Variants in SPMIP8 observed in about 807,000 individuals in gnomAD.
SPMIP8 encodes the protein sperm microtubule inner protein 8, also known as testicular tissue protein Li 196.
At chr16:57,978,019 C>T in the SPMIP8 span, 17 of 1,613,882 alleles carry the variant, frequency 1.1e-5, no homozygotes, top group African/African-American at 2.3e-4. Flanking sequence ...CACTGCCAGT[C>T]CACCACCTAC....
At chr16:57,985,563 G>C in the SPMIP8 span, 1 of 1,581,392 alleles carries the variant, frequency 6.3e-7, no homozygotes, top group South Asian at 1.2e-5. Context: ...GACGCCACGC[G>C]CCCGGGGACC....
the SPMIP8 span, chr16:57,977,879 G>C: frequency 4.3e-6 from 7 of 1,613,958 alleles, no homozygotes; most frequent in Non-Finnish European, 8.5e-7. Context: ...ATGCCTCCCC[G>C]GCCATCCTGC....
At chr16:57,987,581 C>G in the SPMIP8 span, 4 of 824,170 alleles carry the variant, frequency 4.9e-6, no homozygotes, top group Non-Finnish European at 5.2e-6. Flanking sequence ...ACGCAATTGT[C>G]TCTGTCTGTG....
At chr16:57,980,118 G>A in the SPMIP8 span, among the ~76,000 whole-genome samples, 1 of 152,164 alleles carries the variant, frequency 6.6e-6, no homozygotes, top group African/African-American at 2.4e-5. Flanking sequence ...TTTCTTACAA[G>A]GGGTTATAGC....
chr16:57,978,014 C>G, the SPMIP8 span: 1 of 1,614,042 alleles, frequency 6.2e-7, no homozygotes, highest in Non-Finnish European at 8.5e-7. Context: ...ATGAGCACTG[C>G]CAGTCCACCA....
the SPMIP8 span, among the ~76,000 whole-genome samples, chr16:57,978,670 C>T: frequency 2.6e-5 from 4 of 152,036 alleles, no homozygotes; most frequent in African/African-American, 9.7e-5. Flanking sequence ...GGCTGGAGTG[C>T]AGTAGCATGA....
the SPMIP8 span, among the ~76,000 whole-genome samples, chr16:57,979,444 T>C: frequency 6.6e-6 from 1 of 152,226 alleles, no homozygotes; most frequent in African/African-American, 2.4e-5. Context: ...TGTGCTATGT[T>C]GGAGGGGCCA....
At chr16:57,984,441 C>A in the SPMIP8 span, 1 of 1,578,172 alleles carries the variant, frequency 6.3e-7, no homozygotes, top group Non-Finnish European at 8.7e-7. Flanking sequence ...GGATCTACAC[C>A]CCGCGCACCT....
chr16:57,979,651 A>C, the SPMIP8 span, among the ~76,000 whole-genome samples: 1 of 151,384 alleles, frequency 6.6e-6, no homozygotes, highest in Admixed American at 6.6e-5. Flanking sequence ...CCCCGCATAC[A>C]GGTAACCACC....
At chr16:57,978,805 A>T in the SPMIP8 span, among the ~76,000 whole-genome samples, 1 of 151,930 alleles carries the variant, frequency 6.6e-6, no homozygotes, top group African/African-American at 2.4e-5. Flanking sequence ...ATTTGTAGAG[A>T]CAGGGTCTCC....
the SPMIP8 span, among the ~76,000 whole-genome samples, chr16:57,983,763 C>T: frequency 2.6e-5 from 4 of 152,140 alleles, no homozygotes; most frequent in African/African-American, 9.7e-5. Context: ...AGTCGCGTGC[C>T]ACCACACTCA....
At chr16:57,979,095 C>T in the SPMIP8 span, among the ~76,000 whole-genome samples, 5 of 152,212 alleles carry the variant, frequency 3.3e-5, no homozygotes, top group Non-Finnish European at 7.3e-5. Flanking sequence ...AAGAGCCCCA[C>T]GGGCCTAGTG....
At chr16:57,977,710 T>C in the SPMIP8 span, 7 of 1,268,856 alleles carry the variant, frequency 5.5e-6, no homozygotes, top group South Asian at 2.8e-5. Flanking sequence ...TAAATAAATG[T>C]TTGGCAAGTA....
the SPMIP8 span, among the ~76,000 whole-genome samples, chr16:57,978,607 T>A: frequency 2.6e-5 from 4 of 151,690 alleles, no homozygotes; most frequent in Non-Finnish European, 5.9e-5. Flanking sequence ...GCTGATGCCA[T>A]TGTTGTTATT....
the SPMIP8 span, chr16:57,985,160 C>T: frequency 7.5e-7 from 1 of 1,335,036 alleles, no homozygotes; most frequent in Non-Finnish European, 9.5e-7. Context: ...GGGGCTTGTC[C>T]TGGGGGGGGG....
chr16:57,985,414 G>T, the SPMIP8 span: 1 of 1,612,646 alleles, frequency 6.2e-7, no homozygotes, highest in Non-Finnish European at 8.5e-7. Flanking sequence ...GAAGCCCTGT[G>T]TGGGGCGTGG....
the SPMIP8 span, among the ~76,000 whole-genome samples, chr16:57,978,725 C>A: frequency 1.3e-5 from 2 of 152,144 alleles, no homozygotes; most frequent in South Asian, 4.2e-4. Flanking sequence ...AAATGATCCT[C>A]CCATCTCAGC....
the SPMIP8 span, chr16:57,984,922 G>A: frequency 1.4e-6 from 2 of 1,386,786 alleles, no homozygotes; most frequent in South Asian, 1.5e-5. Flanking sequence ...GAAACAGGGC[G>A]GGGCCGCTGA....
At chr16:57,982,716 A>G in the SPMIP8 span, among the ~76,000 whole-genome samples, 5 of 152,258 alleles carry the variant, frequency 3.3e-5, no homozygotes, top group African/African-American at 1.2e-4. Context: ...CCAACAGTCT[A>G]TGTTTAGTCT....
Sources: allele counts gnomAD v4.1 joint callset (sites outside exome capture counted in the v4.1 genomes callset), GRCh38; gene constraint gnomAD v4.1.1; transcripts MANE v1.5; gene names NCBI Gene and HGNC (gene_info 2026-07-23, HGNC 2026-07-21).